Variants in TBX5 observed in about 807,000 individuals in gnomAD.
TBX5 encodes T-box transcription factor TBX5.
A neutral mutation model predicts 51.1 loss-of-function variants in TBX5; 8 were observed. That is an observed-to-expected ratio of 0.16 (90% CI 0.09 to 0.28). TBX5 has a LOEUF of 0.28. TBX5 is among the 10% of genes least tolerant of loss of function. The probability of loss-of-function intolerance (pLI) is 1.00; values close to 1 mark genes in which losing one functional copy is unlikely to be tolerated. For synonymous variants in TBX5, 302 were observed against 266.4 expected, an observed-to-expected ratio of 1.13 and a Z score of -1.30; for missense variants, 589 against 671.7, an observed-to-expected ratio of 0.88 and a Z score of 1.36.
intron 7 of TBX5, among the ~76,000 whole-genome samples, chr12:114,382,923 C>A (rs1242498573): frequency 6.7e-6 from 1 of 149,120 alleles, no homozygotes; most frequent in Non-Finnish European, 1.5e-5. Context: ...GCTGCAGAGA[C>A]CTGAGATCGT....
intron 6 of TBX5, among the ~76,000 whole-genome samples, chr12:114,394,111 A>T (rs1051865519): frequency 2.6e-5 from 4 of 152,230 alleles, no homozygotes; most frequent in African/African-American, 9.6e-5. Flanking sequence ...GTTCAAGACC[A>T]GTCCTGGCAA....
rs1333084083 is a variant in TBX5, at chr12:114,370,298, A to C, written c.756-3907T>G. On this transcript the variant is annotated intron_variant, in intron 7 of 8. Transcript: ENST00000405440. ...GAAAAGAAAAGAAAAGAAAGAAAAG[A>C]AAAGAAAAGAAAAGAAAGAAAAGAA... is the stretch of plus-strand genomic sequence containing the variant. Among the ~76,000 whole-genome samples the C allele has an allele frequency of 7.4e-4, 99 of 134,516 alleles. 2 individuals carry two copies. The highest frequency in any genetic ancestry group is 1.1e-3 in the Non-Finnish European group (65 of 59,224). 88.2% of individuals were successfully genotyped at this position (134,516 alleles called of 152,430 possible).
Position 114,356,025 on chromosome 12 carries a change from C to A in TBX5, c.1064G>T (p.Arg355Leu), listed in dbSNP as rs145784562. ...GCCCTGCTGCTGTGGATAGCTAGAG[C>A]GGTAGAAGGAATCTTCTTCACTGGG... is the stretch of plus-strand genomic sequence containing the variant. ...TSPSEEDSFY[R>L]SSYPQQQGLG... The change falls in exon 9 of 9, where the codon CGC (arginine) becomes CTC (leucine). Residue 355 changes from arginine (R) to leucine (L), a missense_variant. Arg to Leu is a moderately radical substitution (Grantham distance 102). Transcript: ENST00000405440. The A allele has an allele frequency of 9.9e-6, 16 of 1,614,062 alleles. No individual in the cohort carries two copies. The highest frequency in any genetic ancestry group is 2.2e-5 in the East Asian group (1 of 44,866).
intron 7 of TBX5, among the ~76,000 whole-genome samples, chr12:114,384,155 A>T (rs973943850): frequency 6.6e-6 from 1 of 152,236 alleles, no homozygotes; most frequent in Non-Finnish European, 1.5e-5. Context: ...TTTTAGCCAC[A>T]AAAAGTACCT....
At chr12:114,386,362 G>A (rs902343131) in intron 6 of TBX5, among the ~76,000 whole-genome samples, 1 of 152,130 alleles carries the variant, frequency 6.6e-6, no homozygotes, top group Non-Finnish European at 1.5e-5. Flanking sequence ...GTGACAGAAG[G>A]CAACCATACG....
chr12:114,400,273 C>T (rs963285954), intron 3 of TBX5, among the ~76,000 whole-genome samples: 13 of 152,188 alleles, frequency 8.5e-5, no homozygotes, highest in African/African-American at 3.1e-4. Context: ...TCTCCAAGGC[C>T]CCTGAAACTC....
chr12:114,378,472 C>T (rs1198780673), intron 7 of TBX5, among the ~76,000 whole-genome samples: 1 of 152,186 alleles, frequency 6.6e-6, no homozygotes, highest in East Asian at 1.9e-4. Context: ...GTCTTAACAC[C>T]TACCAGCGAT....
chr12:114,387,282 A>ATCT (rs1870870076), intron 6 of TBX5, among the ~76,000 whole-genome samples: 1 of 152,360 alleles, frequency 6.6e-6, no homozygotes, highest in South Asian at 2.1e-4. Context: ...TGAAGAGAGG[A>ATCT]ATTCTTATCT....
chr12:114,384,605 C>T (rs1189781034), intron 7 of TBX5, among the ~76,000 whole-genome samples: 1 of 152,020 alleles, frequency 6.6e-6, no homozygotes, highest in Non-Finnish European at 1.5e-5. Flanking sequence ...ATATATCTGT[C>T]TATCTGCCTG....
chr12:114,367,121 C>A (rs531633251), intron 7 of TBX5, among the ~76,000 whole-genome samples: 1 of 150,690 alleles, frequency 6.6e-6, no homozygotes, highest in Non-Finnish European at 1.5e-5. Flanking sequence ...TGGCAACCAT[C>A]GTCATTACTG....
chr12:114,398,472 A>G, intron 5 of TBX5, 101 bp downstream of exon 5: 1 of 1,495,974 alleles, frequency 6.7e-7, no homozygotes, highest in Non-Finnish European at 9.1e-7. Context: ...GAAAAGGAGA[A>G]ATGTAGGCAC....
At chr12:114,374,396 C>T (rs1870081772) in intron 7 of TBX5, among the ~76,000 whole-genome samples, 1 of 152,130 alleles carries the variant, frequency 6.6e-6, no homozygotes, top group Non-Finnish European at 1.5e-5. Context: ...TATGTTGACA[C>T]CCAAACTCAC....
intron 2 of TBX5, among the ~76,000 whole-genome samples, chr12:114,403,300 G>A (rs916993922): frequency 1.3e-5 from 2 of 152,256 alleles, no homozygotes; most frequent in Non-Finnish European, 2.9e-5. Flanking sequence ...GAGGCGGGAG[G>A]AGGCGAAGGC....
intron 7 of TBX5, among the ~76,000 whole-genome samples, chr12:114,370,807 T>G (rs1396764544): frequency 6.6e-6 from 1 of 152,138 alleles, no homozygotes; most frequent in Non-Finnish European, 1.5e-5. Context: ...TTTTTTGTTT[T>G]GGGGGAATAG....
intron 7 of TBX5, among the ~76,000 whole-genome samples, chr12:114,375,598 C>A (rs1324124661): frequency 6.6e-6 from 1 of 152,184 alleles, no homozygotes; most frequent in Non-Finnish European, 1.5e-5. Flanking sequence ...TATCACCTTA[C>A]ACCTGTTAGG....
chr12:114,356,074 T>C lies in TBX5; in HGVS notation c.1015A>G (p.Lys339Glu), dbSNP rs760830193. Residue 339 changes from lysine (K) to glutamate (E), a missense_variant, in exon 9 of 9, where the codon AAG becomes GAG. Physicochemically the swap from Lys to Glu is moderately conservative, Grantham distance 56 (BLOSUM62 1). Around this residue, in one of 7 missense-constraint regions of TBX5, gnomAD observed 348 missense variants for 360.4 expected, o/e 0.97. Transcript: ENST00000405440. ...GGTGATGTCTCCATGTAGGGCTTCT[T>C]ATAGGGATGGTCTGTGGTGGAACAT... ...EECSTTDHPY[K>E]KPYMETSPSE... 1 of 1,613,392 alleles carries C rather than the reference T, an allele frequency of 6.2e-7. No individual in the cohort carries two copies. Among genetic ancestry groups the C allele is most frequent in the South Asian group, 1.1e-5 (1 of 91,084 alleles).
At chr12:114,377,087 C>T (rs969875126) in intron 7 of TBX5, among the ~76,000 whole-genome samples, 2 of 152,188 alleles carry the variant, frequency 1.3e-5, no homozygotes, top group Admixed American at 1.3e-4. Context: ...TACATAAATG[C>T]ACTGCTTCCC....
At chr12:114,405,195 C>T (rs1565943936) in intron 1 of TBX5, among the ~76,000 whole-genome samples, 1 of 152,182 alleles carries the variant, frequency 6.6e-6, no homozygotes, top group Non-Finnish European at 1.5e-5. Context: ...GCTTCTGAGG[C>T]CTGACTTGCA....
chr12:114,382,585 G>C (rs1870563823), intron 7 of TBX5, among the ~76,000 whole-genome samples: 1 of 151,652 alleles, frequency 6.6e-6, no homozygotes, highest in African/African-American at 2.4e-5. Flanking sequence ...GATTGCCTGA[G>C]GTCAGGAGTT....
Sources: gnomAD v4.1 joint callset for allele counts (sites outside exome capture counted in the v4.1 genomes callset) on GRCh38, gnomAD v4.1.1 for gene constraint, gnomAD v4.1.1 regional missense constraint, MANE v1.5 for transcripts, NCBI Gene and HGNC (gene_info 2026-07-23, HGNC 2026-07-21) for gene names.